The following SIMC1 variants were observed in gnomAD, a reference collection of about 807,000 sequenced individuals.
The protein encoded by SIMC1 is SUMO interacting motifs containing 1.
A neutral mutation model predicts 82.3 loss-of-function variants in SIMC1; 55 were observed. That is an observed-to-expected ratio of 0.67 (90% CI 0.54 to 0.84). SIMC1 has a LOEUF of 0.84. SIMC1 is among the 40% of genes least tolerant of loss of function. The pLI, the probability that SIMC1 is intolerant of heterozygous loss-of-function variation, is 0.00. For missense variants in SIMC1, 915 were observed against 1,107.2 expected, an observed-to-expected ratio of 0.83 and a Z score of 2.46; for synonymous variants, 353 against 426.3, an observed-to-expected ratio of 0.83 and a Z score of 2.12.
At chr5:176,276,276 T>A (rs1012012503) in intron 1 of SIMC1, among the ~76,000 whole-genome samples, 5 of 151,600 alleles carry the variant, frequency 3.3e-5, no homozygotes, top group African/African-American at 1.2e-4. Context: ...GTTTGTAGTA[T>A]TCTCTGATGG....
intron 1 of SIMC1, among the ~76,000 whole-genome samples, chr5:176,284,984 AG>A (rs1188256254): frequency 6.6e-6 from 1 of 152,190 alleles, no homozygotes; most frequent in African/African-American, 2.4e-5. Context: ...AAAAAAGTCC[AG>A]GACCAGACGG....
At chr5:176,245,070 T>C (rs184852713) in intron 1 of SIMC1, among the ~76,000 whole-genome samples, 1 of 152,330 alleles carries the variant, frequency 6.6e-6, no homozygotes, top group Non-Finnish European at 1.5e-5. Flanking sequence ...AAGATTGTTA[T>C]AGGTGGAACT....
At chr5:176,333,765 A>C (rs991365333) in intron 7 of SIMC1, among the ~76,000 whole-genome samples, 14 of 151,724 alleles carry the variant, frequency 9.2e-5, no homozygotes, top group Non-Finnish European at 1.8e-4. Context: ...TTTTTGCCCC[A>C]ACCTCTCTTA....
intron 1 of SIMC1, among the ~76,000 whole-genome samples, chr5:176,247,882 G>T (rs1346238046): frequency 2.6e-5 from 4 of 151,992 alleles, no homozygotes; most frequent in Non-Finnish European, 4.4e-5. Context: ...CCCATTGCTT[G>T]TTTTTGTCAG....
intron 1 of SIMC1, among the ~76,000 whole-genome samples, chr5:176,253,281 C>T (rs1296359376): frequency 6.6e-6 from 1 of 152,192 alleles, no homozygotes; most frequent in African/African-American, 2.4e-5. Flanking sequence ...CCCGACCTTT[C>T]CCTCTGGCTG....
chr5:176,265,303 C>T (rs529414248), intron 1 of SIMC1, among the ~76,000 whole-genome samples: 30 of 150,190 alleles, frequency 2.0e-4, no homozygotes, highest in South Asian at 6.3e-4. Flanking sequence ...GGATTCTGAC[C>T]GAAACTAATT....
intron 7 of SIMC1, 86 bp from the exon 8 acceptor site, chr5:176,336,634 A>G (rs897335679): frequency 7.2e-6 from 11 of 1,527,632 alleles, no homozygotes; most frequent in African/African-American, 2.8e-5. Flanking sequence ...TTTAGGACAA[A>G]TGTTGTACAT....
chr5:176,288,903 T>G (rs1202004009), intron 1 of SIMC1, among the ~76,000 whole-genome samples: 3 of 152,202 alleles, frequency 2.0e-5, no homozygotes, highest in Non-Finnish European at 2.9e-5. Context: ...TTAGGCTTTG[T>G]GAATAGCCTG....
chr5:176,285,935 G>A (rs1253350606), intron 1 of SIMC1, among the ~76,000 whole-genome samples: 1 of 152,222 alleles, frequency 6.6e-6, no homozygotes, highest in Non-Finnish European at 1.5e-5. Flanking sequence ...CAAGGGATGT[G>A]AAGGACCTCT....
At chr5:176,326,387 T>C (rs1286407918) in intron 7 of SIMC1, among the ~76,000 whole-genome samples, 4 of 152,086 alleles carry the variant, frequency 2.6e-5, no homozygotes, top group South Asian at 2.1e-4. Context: ...TTTCTGTTTT[T>C]TTTTTCTTTT....
chr5:176,256,943 G>A (rs1240376970), intron 1 of SIMC1, among the ~76,000 whole-genome samples: 1 of 152,124 alleles, frequency 6.6e-6, no homozygotes, highest in Non-Finnish European at 1.5e-5. Context: ...TTTTGGTAGA[G>A]ACAGGGTCTC....
At chr5:176,292,837 G>A (rs968243867) in intron 2 of SIMC1, among the ~76,000 whole-genome samples, 6 of 152,092 alleles carry the variant, frequency 3.9e-5, no homozygotes, top group Admixed American at 1.3e-4. Context: ...CACCGCGCCC[G>A]GCCCAGACAG....
chr5:176,238,799 G>GCCAGGGCAGGGA (rs1160284564), intron 1 of SIMC1, 162 bp downstream of exon 1: 7 of 430,600 alleles, frequency 1.6e-5, no homozygotes, highest in African/African-American at 2.6e-5. Context: ...CGGGGCAGGG[G>GCCAGGGCAGGGA]CCAGGGCAGG....
In SIMC1 at chr5:176,330,320, G is replaced by A. The variant is rs547639218; in HGVS notation, c.2171+5563G>A. ...GAAGCCTGAGGCAGGAGAATCGCTT[G>A]AAATCAGGAGGTGGAGGTTGCAGTG... On this transcript the variant is annotated intron_variant, in intron 7 of 9. Transcript: ENST00000429602. Among the ~76,000 whole-genome samples, 152 of 151,202 alleles carry A rather than the reference G, an allele frequency of 1.0e-3. 1 individual carries two copies. Among genetic ancestry groups the A allele is most frequent in the Non-Finnish European group, 1.8e-3 (121 of 67,916 alleles).
chr5:176,266,698 AGTT>A (rs1762225424), intron 1 of SIMC1, among the ~76,000 whole-genome samples: 1 of 92,438 alleles, frequency 1.1e-5, no homozygotes, highest in Admixed American at 1.3e-4. Flanking sequence ...GAGTGAGCCT[AGTT>A]GTTGGATTTA....
At chr5:176,318,498 C>T (rs1219566052) in intron 5 of SIMC1, among the ~76,000 whole-genome samples, 2 of 152,158 alleles carry the variant, frequency 1.3e-5, no homozygotes, top group Non-Finnish European at 2.9e-5. Context: ...GATCACTCGT[C>T]CTCTTTTCCA....
Position 176,246,891 on chromosome 5 carries a change from A to T in SIMC1, c.129+8254A>T, listed in dbSNP as rs1581213333. ...TTTCTGTTCCTGTGTTAGTTTGCTGAGAATGATGGTTTCCAGCTTCATCCA... is the reference window on the plus strand; with the variant it reads ...TTTCTGTTCCTGTGTTAGTTTGCTGTGAATGATGGTTTCCAGCTTCATCCA... On this transcript the variant is annotated intron_variant, in intron 1 of 9. Transcript: ENST00000429602. Among the ~76,000 whole-genome samples the T allele has an allele frequency of 2.6e-5, 4 of 152,112 alleles. No homozygotes were observed. In the South Asian group the frequency reaches 8.3e-4, roughly 32 times the overall value.
intron 6 of SIMC1, among the ~76,000 whole-genome samples, chr5:176,323,131 T>C (rs1431228733): frequency 6.6e-6 from 1 of 152,242 alleles, no homozygotes; most frequent in African/African-American, 2.4e-5. Flanking sequence ...CTGATTTTTA[T>C]GGAAGACCTA....
intron 4 of SIMC1, among the ~76,000 whole-genome samples, chr5:176,301,638 G>A (rs559640137): frequency 6.6e-6 from 1 of 152,194 alleles, no homozygotes; most frequent in South Asian, 2.1e-4. Context: ...AATTAACCGA[G>A]TATGGTGGCA....
Sources: allele counts gnomAD v4.1 joint callset (sites outside exome capture counted in the v4.1 genomes callset), GRCh38; gene constraint gnomAD v4.1.1; transcripts MANE v1.5; gene names NCBI Gene and HGNC (gene_info 2026-07-23, HGNC 2026-07-21).